PHC2: variants seen among roughly 807,000 people sequenced by gnomAD.
The protein encoded by PHC2 is polyhomeotic homolog 2, also known as polyhomeotic-like protein 2.
In PHC2, 29 loss-of-function variants were observed where a neutral mutation model predicts 87.4. That is an observed-to-expected ratio of 0.33 (90% CI 0.25 to 0.45). The LOEUF (loss-of-function observed/expected upper bound fraction) is 0.45. Ranked by LOEUF, PHC2 falls within the 20% of genes least tolerant of loss-of-function variation. PHC2 has a pLI of 1.00. For missense variants in PHC2, 857 were observed against 1,136.7 expected, an observed-to-expected ratio of 0.75 and a Z score of 3.54; for synonymous variants, 438 against 461.7, an observed-to-expected ratio of 0.95 and a Z score of 0.66.
chr1:33,389,403 A>G (rs1648936858), intron 1 of PHC2, among the ~76,000 whole-genome samples: 1 of 152,178 alleles, frequency 6.6e-6, no homozygotes. Flanking sequence ...CAGGAGTATA[A>G]CTTGAACTTC....
intron 1 of PHC2, among the ~76,000 whole-genome samples, chr1:33,424,097 C>CAAAAAAAAAAAAACAAAAA (rs1650568243): frequency 9.2e-6 from 1 of 108,736 alleles, no homozygotes; most frequent in Admixed American, 9.6e-5. Context: ...GACTCCGTCT[C>CAAAAAAAAAAAAACAAAAA]AAAAAAAAAA....
At chr1:33,430,647 C>A (rs564388046) in intron 1 of PHC2, among the ~76,000 whole-genome samples, 2 of 152,134 alleles carry the variant, frequency 1.3e-5, no homozygotes, top group South Asian at 2.1e-4. Flanking sequence ...GGTTCCCGTT[C>A]CCGGCAAGCC....
At chr1:33,356,580 C>T (rs1334437177) in intron 7 of PHC2, among the ~76,000 whole-genome samples, 1 of 151,898 alleles carries the variant, frequency 6.6e-6, no homozygotes, top group Non-Finnish European at 1.5e-5. Context: ...GTGGACACAG[C>T]ACATGTTTCA....
Position 33,372,451 on chromosome 1 carries a change from AGAAG to A in PHC2, c.175-8_175-5del, listed in dbSNP as rs1647911298. 2.0e-6 allele frequency: 3 copies of A among 1,538,090 alleles called. No individual in the cohort carries two copies. The highest frequency in any genetic ancestry group is 2.7e-5 in the African/African-American group (2 of 72,972). On this transcript the variant is annotated splice_polypyrimidine_tract_variant and splice_region_variant and intron_variant, in intron 2 of 14. Transcript: ENST00000683057. ...TGTGCAGGGCCTGCTGGATCACCTG[AGAAG>A]GGAGGGAGGGGGAAGAGCCAGGCTG...
At chr1:33,363,937 C>A in intron 7 of PHC2, 1 of 983,946 alleles carries the variant, frequency 1.0e-6, no homozygotes, top group Non-Finnish European at 1.2e-6. Flanking sequence ...GCAAGCCAGG[C>A]CCTTCTCCTT....
At chr1:33,325,122 T>G in intron 14 of PHC2, 103 bp from the exon 15 acceptor site, 2 of 1,148,642 alleles carry the variant, frequency 1.7e-6, no homozygotes, top group Non-Finnish European at 2.4e-6. Flanking sequence ...GCATCCATTA[T>G]TTCTTTTAGT....
chr1:33,349,800 A>G lies in PHC2; in HGVS notation c.1558+4601T>C, dbSNP rs1000866884. ...AGGGCGGCCGGGGCGCGAGGCCGGGACGGGGGCGCGAGGCCGGGGCGGGAG... is the reference window on the plus strand; with the variant it reads ...AGGGCGGCCGGGGCGCGAGGCCGGGGCGGGGGCGCGAGGCCGGGGCGGGAG... On this transcript the variant is annotated intron_variant, in intron 9 of 14. Coordinates refer to ENST00000683057, the MANE Select transcript of PHC2 (RefSeq NM_001385109.1). The surrounding 1 kb of genome is among the most constrained non-coding windows in gnomAD (Gnocchi z 4.2). 30 of 974,362 alleles carry G rather than the reference A, an allele frequency of 3.1e-5. No homozygotes were observed. The highest frequency in any genetic ancestry group is 2.4e-4 in the East Asian group (2 of 8,486). 60.4% of individuals were successfully genotyped at this position (974,362 alleles called of 1,614,324 possible). A position where few individuals can be genotyped will look rare whatever the true frequency, so the allele number is the denominator to read the frequency against.
chr1:33,397,521 A>G (rs1394332299), intron 1 of PHC2, among the ~76,000 whole-genome samples: 1 of 152,198 alleles, frequency 6.6e-6, no homozygotes, highest in Non-Finnish European at 1.5e-5. Context: ...AGAAAGGTTA[A>G]GTAACTTGCT....
chr1:33,381,896 G>A (rs1648511058), intron 1 of PHC2, among the ~76,000 whole-genome samples: 1 of 151,826 alleles, frequency 6.6e-6, no homozygotes, highest in Non-Finnish European at 1.5e-5. Flanking sequence ...TTTTTTCTAT[G>A]CAAGAACGGA....
At chr1:33,398,851 A>C (rs1649401000) in intron 1 of PHC2, among the ~76,000 whole-genome samples, 1 of 152,136 alleles carries the variant, frequency 6.6e-6, no homozygotes, top group African/African-American at 2.4e-5. Flanking sequence ...CAGTTGGCTA[A>C]AGTCAATTCC....
At chr1:33,372,536 C>G in intron 2 of PHC2, 89 bp from the exon 3 acceptor site, 1 of 1,207,378 alleles carries the variant, frequency 8.3e-7, no homozygotes, top group Non-Finnish European at 1.1e-6. Context: ...CCCCAGGTCT[C>G]TATAACTGCT....
chr1:33,324,586 CGGGGCTAGAGTATT>C lies in PHC2; in HGVS notation c.*265_*278del, dbSNP rs1156326499. 2.2e-5 allele frequency: 7 copies of C among 311,622 alleles called. No homozygotes were observed. The highest frequency in any genetic ancestry group is 3.5e-5 in the Non-Finnish European group (6 of 169,504). The allele number at this position is 311,622 out of a possible 1,614,324, so 19.3% of individuals were successfully genotyped here. On this transcript the variant is annotated 3_prime_UTR_variant, in exon 15 of 15. Coordinates refer to ENST00000683057, the MANE Select transcript of PHC2 (RefSeq NM_001385109.1). ...GGGGGACAGAAAGAGGGGAAGAGAG[CGGGGCTAGAGTATT>C]GGGACTTTGGAGGAAGCCAGTGCTA...
intron 1 of PHC2, among the ~76,000 whole-genome samples, chr1:33,398,183 C>T (rs1053212751): frequency 6.6e-6 from 1 of 152,174 alleles, no homozygotes; most frequent in Non-Finnish European, 1.5e-5. Flanking sequence ...CAGAGGTAGA[C>T]TCTGGTCTTG....
intron 9 of PHC2, chr1:33,347,660 C>A: frequency 1.0e-6 from 1 of 985,330 alleles, no homozygotes; most frequent in Non-Finnish European, 1.2e-6. Flanking sequence ...AAGAAACTAC[C>A]CCCTTTCTCA....
chr1:33,332,488 A>C lies in PHC2; in HGVS notation c.1762-84T>G, dbSNP rs541319359. 2 of 1,519,986 alleles carry C rather than the reference A, an allele frequency of 1.3e-6. No individual in the cohort carries two copies. The highest frequency in any genetic ancestry group is 2.3e-5 in the South Asian group (2 of 88,094). The allele number at this position is 1,519,986 out of a possible 1,614,324, so 94.2% of individuals were successfully genotyped here. A position where few individuals can be genotyped will look rare whatever the true frequency, so the allele number is the denominator to read the frequency against. On this transcript the variant is annotated intron_variant, in intron 10 of 14. Transcript: ENST00000683057. The surrounding 1 kb of genome is among the most constrained non-coding windows in gnomAD (Gnocchi z 4.2). ...CCATCCTCATCACAATTACACGTAT[A>C]AAGTATCCAGGCACAGAGGCCAGCC...
chr1:33,354,749 A>G lies in PHC2; in HGVS notation c.1392+89T>C, dbSNP rs1647037063. On this transcript the variant is annotated intron_variant, in intron 8 of 14. Coordinates refer to ENST00000683057, the MANE Select transcript of PHC2 (RefSeq NM_001385109.1). ...CAAAGATGACTTCACCCGTCAGCCT[A>G]CCCAGAAGCACCTCTTGACGGGGCT... The G allele has an allele frequency of 4.8e-6, 7 of 1,456,272 alleles. No individual in the cohort carries two copies. The Admixed American group carries it at 9.4e-5, about 20-fold the overall frequency. 90.2% of individuals were successfully genotyped at this position (1,456,272 alleles called of 1,614,324 possible). A position where few individuals can be genotyped will look rare whatever the true frequency, so the allele number is the denominator to read the frequency against.
At chr1:33,365,275 C>T (rs1448187490) in intron 7 of PHC2, among the ~76,000 whole-genome samples, 2 of 152,266 alleles carry the variant, frequency 1.3e-5, no homozygotes, top group Admixed American at 6.5e-5. Flanking sequence ...ATCTAGCACA[C>T]GACGGACGTC....
chr1:33,383,632 T>C (rs1648596907), intron 1 of PHC2, among the ~76,000 whole-genome samples: 1 of 152,230 alleles, frequency 6.6e-6, no homozygotes, highest in African/African-American at 2.4e-5. Context: ...ACTGTGCAGA[T>C]GCTGAATGCT....
intron 1 of PHC2, among the ~76,000 whole-genome samples, chr1:33,420,844 C>T (rs1650406976): frequency 6.6e-6 from 1 of 152,108 alleles, no homozygotes; most frequent in Non-Finnish European, 1.5e-5. Context: ...CTCTTGAGCT[C>T]AAGTGATCCT....
Sources: allele counts gnomAD v4.1 joint callset (sites outside exome capture counted in the v4.1 genomes callset), GRCh38; gene constraint gnomAD v4.1.1; non-coding constraint Gnocchi (gnomAD v3.1); transcripts MANE v1.5; gene names NCBI Gene and HGNC (gene_info 2026-07-23, HGNC 2026-07-21).